Variants in HOXA3 observed in about 807,000 individuals in gnomAD.
The protein encoded by HOXA3 is homeobox protein Hox-A3.
Under a neutral mutation model 30.3 loss-of-function variants are expected in HOXA3, and 8 were observed. The ratio of observed to expected loss-of-function variants is 0.26; its 90% CI spans 0.15 to 0.48. The LOEUF (loss-of-function observed/expected upper bound fraction) is 0.48. Ranked by LOEUF, HOXA3 falls within the 20% of genes least tolerant of loss-of-function variation. HOXA3 has a pLI of 0.99. For synonymous variants in HOXA3, 323 were observed against 273.1 expected, an observed-to-expected ratio of 1.18 and a Z score of -1.80; for missense variants, 653 against 614.4, an observed-to-expected ratio of 1.06 and a Z score of -0.66.
chr7:27,146,029 C>T (rs1282545607), intron 1 of HOXA3: 5 of 1,213,206 alleles, frequency 4.1e-6, no homozygotes, highest in Non-Finnish European at 5.7e-6. Flanking sequence ...CGCCTCCACT[C>T]CAGCCTCTCC....
Position 27,110,418 on chromosome 7 carries a change from G to C in HOXA3, c.223C>G (p.Leu75Val), listed in dbSNP as rs755285275. 3 of 1,549,800 alleles carry C rather than the reference G, an allele frequency of 1.9e-6. No individual in the cohort carries two copies. The South Asian group carries it at 3.6e-5, about 18-fold the overall frequency. The change falls in exon 5 of 6, where the codon CTG (leucine) becomes GTG (valine). Residue 75 changes from leucine (L) to valine (V), a missense_variant. Physicochemically the swap from Leu to Val is conservative, Grantham distance 32. Transcript: ENST00000612286. The stretch of plus-strand genomic sequence containing the variant: ...GGAGGCTGGCTAGGTGGGGCGCTCA[G>C]GGTGCGCAGGCACGCCTCACTCAGT... The part of the protein sequence containing the change: ...HELSEACLRT[L>V]SAPPSQPPSL...
At chr7:27,129,426 C>T in intron 2 of HOXA3, 2 of 1,614,174 alleles carry the variant, frequency 1.2e-6, no homozygotes, top group Non-Finnish European at 1.7e-6. Flanking sequence ...GGCGCTCAGA[C>T]AAACAGAGCG....
At chr7:27,123,238 T>A (rs1334701567) in intron 3 of HOXA3, 1 of 152,278 alleles carries the variant, frequency 6.6e-6, no homozygotes, top group Non-Finnish European at 1.5e-5. Flanking sequence ...GCGTTCCTTT[T>A]AGGTCCTAGT....
chr7:27,141,690 C>T (rs975355610), intron 1 of HOXA3: 9 of 988,232 alleles, frequency 9.1e-6, no homozygotes, highest in African/African-American at 1.6e-5. Context: ...TGGCAATAAA[C>T]AGGCTCATGA....
chr7:27,108,090 G>C lies in HOXA3; in HGVS notation c.1157C>G (p.Thr386Ser). The change falls in exon 6 of 6, where the codon ACT (threonine) becomes AGT (serine). Residue 386 changes from threonine to serine, a missense_variant. Thr to Ser is a moderately conservative substitution (Grantham distance 58). Transcript: ENST00000612286. This position sits in a 1 kb window ranked among gnomAD's most constrained non-coding sequence, Gnocchi z 5.0. The part of the protein sequence containing the change: ...SNSGPALFGL[T>S]HLPHAASGAM... ...GCCCGAGGCAGCGTGGGGGAGGTGA[G>C]TTAGACCAAAGAGGGCTGGCCCGGA... 4.3e-6 allele frequency: 7 copies of C among 1,612,612 alleles called. No homozygotes were observed. The highest frequency in any genetic ancestry group is 5.9e-6 in the Non-Finnish European group (7 of 1,179,012).
At position 27,107,929 on chromosome 7, in the gene HOXA3, G is replaced by A. The variant is rs1562708378; in HGVS notation, c.1318C>T (p.Leu440Phe). 1 of 1,579,940 alleles carries A rather than the reference G, an allele frequency of 6.3e-7. No individual in the cohort carries two copies. The highest frequency in any genetic ancestry group is 8.7e-7 in the Non-Finnish European group (1 of 1,155,550). ...SQGRIQEAPK[L>F]THL ...CAAGCCCACTATCACAGGTGGGTGA[G>A]CTTGGGTGCTTCCTGAATTCTTCCC... is the stretch of plus-strand genomic sequence containing the variant. Residue 440 changes from leucine (L) to phenylalanine (F), a missense_variant, in exon 6 of 6, where the codon CTC becomes TTC. By Grantham distance (22) the Leu-to-Phe change is conservative. Coordinates refer to ENST00000612286, the MANE Select transcript of HOXA3 (RefSeq NM_153631.3).
At chr7:27,152,056 G>C (rs1215621724) in intron 1 of HOXA3, among the ~76,000 whole-genome samples, 1 of 152,050 alleles carries the variant, frequency 6.6e-6, no homozygotes, top group Non-Finnish European at 1.5e-5. Flanking sequence ...AGGCGAGCCA[G>C]GGAGGGGAGA....
intron 4 of HOXA3, among the ~76,000 whole-genome samples, chr7:27,112,821 C>T (rs979408305): frequency 6.6e-6 from 1 of 152,222 alleles, no homozygotes; most frequent in African/African-American, 2.4e-5. Context: ...TTTCTAGTGA[C>T]TTGCTAATCC....
rs1784524734 is a variant in HOXA3, at chr7:27,113,881, CCACCCCTCCCCCA to C, written c.-120-3134_-120-3122del. 6.6e-6 allele frequency: 1 copy of C among 150,616 alleles called. No homozygotes were observed. Among genetic ancestry groups the C allele is most frequent in the Non-Finnish European group, 1.5e-5 (1 of 67,158 alleles). 9.3% of individuals were successfully genotyped at this position (150,616 alleles called of 1,614,324 possible). Reference sequence around the variant, plus strand: ...CCCCCCTCCCACCCACCCCACCCACCCACCCCTCCCCCACACCCCCGCCCCCTGCCCTTCCCGA... The same window carrying C: ...CCCCCCTCCCACCCACCCCACCCACCCACCCCCGCCCCCTGCCCTTCCCGA... On this transcript the variant is annotated intron_variant, in intron 4 of 5. Transcript: ENST00000612286. The surrounding 1 kb of genome is among the most constrained non-coding windows in gnomAD (Gnocchi z 4.8).
rs1209687079 is a variant in HOXA3 at position 27,139,560 on chromosome 7, GC to G, written c.-390+522del. Among the ~76,000 whole-genome samples, 58 of 152,262 alleles carry G rather than the reference GC, an allele frequency of 3.8e-4. 1 individual carries two copies. Among genetic ancestry groups the G allele is most frequent in the Non-Finnish European group, 4.4e-5 (3 of 68,042 alleles). ...CGGCCCGCGAAGACATATTGCCACA[GC>G]CCCGTAAGGAATCCCGCCAGAGTCC... On this transcript the variant is annotated intron_variant, in intron 2 of 5. Transcript: ENST00000612286.
chr7:27,138,337 A>C (rs893156281), intron 2 of HOXA3, among the ~76,000 whole-genome samples: 3 of 152,220 alleles, frequency 2.0e-5, no homozygotes, highest in Non-Finnish European at 4.4e-5. Context: ...CTTTAGGGAC[A>C]TCTGTTGGAC....
At chr7:27,114,204 T>G (rs960179119) in intron 4 of HOXA3, among the ~76,000 whole-genome samples, 5 of 150,396 alleles carry the variant, frequency 3.3e-5, no homozygotes, top group Admixed American at 3.3e-4. Flanking sequence ...CCCAACGCCC[T>G]CCCTCTCCTG....
chr7:27,137,357 T>C (rs976713459), intron 2 of HOXA3, among the ~76,000 whole-genome samples: 2 of 152,194 alleles, frequency 1.3e-5, no homozygotes, highest in African/African-American at 4.8e-5. Flanking sequence ...GTTGTATTTA[T>C]AGTTCAGAAA....
chr7:27,114,879 A>ATTATATATATTATATATAT (rs1381293864), intron 4 of HOXA3, among the ~76,000 whole-genome samples: 1 of 103,674 alleles, frequency 9.6e-6, no homozygotes, highest in Non-Finnish European at 1.9e-5. Flanking sequence ...TATTATATAT[A>ATTATATATATTATATATAT]TGTATATACA....
chr7:27,124,212 T>A (rs547850763), intron 3 of HOXA3: 1 of 152,406 alleles, frequency 6.6e-6, no homozygotes, highest in Admixed American at 6.5e-5. Context: ...GCCGCCGCCG[T>A]GGCCTCTCTC....
Position 27,108,257 on chromosome 7 carries a change from C to T in HOXA3, c.990G>A (p.Thr330=). The T allele has an allele frequency of 6.6e-7, 1 of 1,518,608 alleles. No homozygotes were observed. The highest frequency in any genetic ancestry group is 8.8e-7 in the Non-Finnish European group (1 of 1,133,706). The allele number at this position is 1,518,608 out of a possible 1,614,324, so 94.1% of individuals were successfully genotyped here. A position where few individuals can be genotyped will look rare whatever the true frequency, so the allele number is the denominator to read the frequency against. ...APPPPPQKRY[T]AAGAGAGGTP... ...TGCCCCCTGCGCCCGCCCCTGCCGCCGTGTAGCGCTTCTGTGGGGGTGGCG... is the reference window on the plus strand; with the variant it reads ...TGCCCCCTGCGCCCGCCCCTGCCGCTGTGTAGCGCTTCTGTGGGGGTGGCG... Residue 330 remains threonine (T), a synonymous_variant, in exon 6 of 6, where the codon ACG becomes ACA. Transcript: ENST00000612286. The surrounding 1 kb of genome is among the most constrained non-coding windows in gnomAD (Gnocchi z 5.0).
chr7:27,144,507 G>A lies in HOXA3; in HGVS notation c.-493-4321C>T, dbSNP rs558008850. Among the ~76,000 whole-genome samples, 139 of 152,268 alleles carry A rather than the reference G, an allele frequency of 9.1e-4. 1 individual carries two copies. The highest frequency in any genetic ancestry group is 3.1e-3 in the African/African-American group (130 of 41,540). On this transcript the variant is annotated intron_variant, in intron 1 of 5. Transcript: ENST00000612286. ...TTAGTTTGCGATTTGATTTGCTTAC[G>A]TATCCAGCCTGGAAAATCTTCATCA...
At chr7:27,123,199 T>A (rs1785124414) in intron 3 of HOXA3, 2 of 152,172 alleles carry the variant, frequency 1.3e-5, no homozygotes, top group Admixed American at 1.3e-4. Context: ...CTTGGGAGGA[T>A]TTGTGTTCTG....
chr7:27,139,758 C>T (rs1432639163), intron 2 of HOXA3, among the ~76,000 whole-genome samples: 1 of 152,204 alleles, frequency 6.6e-6, no homozygotes, highest in Non-Finnish European at 1.5e-5. Flanking sequence ...GCGGCCCTGC[C>T]AGGTCCCCAC....
Sources: allele counts gnomAD v4.1 joint callset (sites outside exome capture counted in the v4.1 genomes callset), GRCh38; gene constraint gnomAD v4.1.1; non-coding constraint Gnocchi (gnomAD v3.1); transcripts MANE v1.5; gene names NCBI Gene and HGNC (gene_info 2026-07-23, HGNC 2026-07-21).